MSRA: variants seen among roughly 807,000 people sequenced by gnomAD.
MSRA encodes methionine sulfoxide reductase A.
Under a neutral mutation model 31.3 loss-of-function variants are expected in MSRA, and 54 were observed. That is an observed-to-expected ratio of 1.73 (90% CI 1.39 to 2.17). The LOEUF is 2.17. Ranked by LOEUF, MSRA falls within the 30% of genes most tolerant of loss-of-function variation. The pLI, the probability that MSRA is intolerant of heterozygous loss-of-function variation, is 0.00. For missense variants in MSRA, 507 were observed against 300.9 expected, an observed-to-expected ratio of 1.69 and a Z score of -5.07; for synonymous variants, 169 against 116.5, an observed-to-expected ratio of 1.45 and a Z score of -2.90.
chr8:10,205,033 G>A (rs11774836), intron 1 of MSRA, among the ~76,000 whole-genome samples: 53,164 of 152,064 alleles, frequency 0.35, 10,297 homozygotes, highest in Admixed American at 0.51. Context: ...ATGGATGAGG[G>A]ATGCTAGTGT....
chr8:10,124,269 C>G (rs1801335691), intron 1 of MSRA, among the ~76,000 whole-genome samples: 2 of 152,092 alleles, frequency 1.3e-5, no homozygotes, highest in Admixed American at 6.5e-5. Flanking sequence ...GGTGACAGCT[C>G]CAAGAAGATT....
chr8:10,229,907 A>G (rs1271067265), intron 2 of MSRA, among the ~76,000 whole-genome samples: 1 of 152,198 alleles, frequency 6.6e-6, no homozygotes, highest in African/African-American at 2.4e-5. Flanking sequence ...CGTCCTCCCC[A>G]TATAATCAGT....
intron 3 of MSRA, among the ~76,000 whole-genome samples, chr8:10,263,341 C>G (rs1455312680): frequency 1.3e-5 from 2 of 152,192 alleles, no homozygotes; most frequent in South Asian, 4.1e-4. Flanking sequence ...AGTCAGTAGC[C>G]TTGTTCTCAG....
At chr8:10,098,249 A>T (rs1265372669) in intron 1 of MSRA, among the ~76,000 whole-genome samples, 2 of 152,140 alleles carry the variant, frequency 1.3e-5, no homozygotes, top group Non-Finnish European at 2.9e-5. Flanking sequence ...ATCTCACCTC[A>T]TAATTATGGT....
intron 5 of MSRA, among the ~76,000 whole-genome samples, chr8:10,351,561 T>G (rs369354550): frequency 7.5e-4 from 115 of 152,344 alleles, no homozygotes; most frequent in African/African-American, 2.6e-3. Flanking sequence ...CGAAAGTGAC[T>G]TATATTTGCA....
chr8:10,101,200 A>T (rs1371111205), intron 1 of MSRA, among the ~76,000 whole-genome samples: 1 of 152,070 alleles, frequency 6.6e-6, no homozygotes, highest in Non-Finnish European at 1.5e-5. Context: ...TGTAAACCTA[A>T]TTTCTTCATC....
At chr8:10,150,193 G>A (rs78305537) in intron 1 of MSRA, among the ~76,000 whole-genome samples, 3,732 of 152,146 alleles carry the variant, frequency 0.025, 143 homozygotes, top group African/African-American at 0.084. Flanking sequence ...CTTCTAGGAT[G>A]TCCTTTGTCC....
chr8:10,085,762 C>T (rs1158572371), intron 1 of MSRA, among the ~76,000 whole-genome samples: 2 of 152,206 alleles, frequency 1.3e-5, no homozygotes, highest in African/African-American at 4.8e-5. Flanking sequence ...TGCTCACCTG[C>T]CTCCAGCTAA....
chr8:10,149,613 T>C (rs1263608575), intron 1 of MSRA, among the ~76,000 whole-genome samples: 2 of 152,078 alleles, frequency 1.3e-5, no homozygotes, highest in East Asian at 3.9e-4. Context: ...AATAACATTG[T>C]TTGGTTTTCA....
intron 1 of MSRA, among the ~76,000 whole-genome samples, chr8:10,071,836 T>C (rs938779990): frequency 1.2e-4 from 18 of 152,152 alleles, no homozygotes; most frequent in African/African-American, 4.3e-4. Context: ...ATCCAGACAC[T>C]TGTGCCCGCT....
At chr8:10,243,593 A>C (rs773586620) in intron 2 of MSRA, among the ~76,000 whole-genome samples, 1 of 152,196 alleles carries the variant, frequency 6.6e-6, no homozygotes, top group Non-Finnish European at 1.5e-5. Flanking sequence ...CTTTTCTTTA[A>C]AAATGTAAAT....
chr8:10,283,836 T>TAAACACACACACACACACACACAC (rs1261287031), intron 3 of MSRA, among the ~76,000 whole-genome samples: 2 of 53,162 alleles, frequency 3.8e-5, no homozygotes, highest in Non-Finnish European at 3.2e-5. Context: ...TATATATATA[T>TAAACACACACACACACACACACAC]ACACACACAC....
intron 5 of MSRA, among the ~76,000 whole-genome samples, chr8:10,327,842 A>G (rs1332163371): frequency 6.6e-6 from 1 of 152,080 alleles, no homozygotes; most frequent in Non-Finnish European, 1.5e-5. Flanking sequence ...CTGAGGCAGG[A>G]GAATGGCGTG....
At chr8:10,374,616 A>T (rs1805656985) in intron 5 of MSRA, among the ~76,000 whole-genome samples, 2 of 152,236 alleles carry the variant, frequency 1.3e-5, no homozygotes, top group African/African-American at 2.4e-5. Flanking sequence ...AGCAGGAGGT[A>T]GGTGGTCCAG....
intron 1 of MSRA, among the ~76,000 whole-genome samples, chr8:10,085,269 C>A (rs1029831607): frequency 6.6e-6 from 1 of 152,194 alleles, no homozygotes; most frequent in East Asian, 1.9e-4. Flanking sequence ...CCCTATTCCA[C>A]GTTTCTGATT....
chr8:10,243,163 G>A (rs1362290390), intron 2 of MSRA, among the ~76,000 whole-genome samples: 2 of 152,180 alleles, frequency 1.3e-5, no homozygotes, highest in African/African-American at 4.8e-5. Flanking sequence ...TGTACGTGAA[G>A]GTTGAAGGAT....
chr8:10,117,741 T>A (rs1166667042), intron 1 of MSRA, among the ~76,000 whole-genome samples: 1 of 152,220 alleles, frequency 6.6e-6, no homozygotes, highest in Non-Finnish European at 1.5e-5. Flanking sequence ...TTGCTAGTAT[T>A]AAAATATTTT....
intron 1 of MSRA, among the ~76,000 whole-genome samples, chr8:10,173,921 C>T (rs766015490): frequency 1.5e-4 from 23 of 152,170 alleles, no homozygotes; most frequent in Non-Finnish European, 2.5e-4. Context: ...CTAATGGTCC[C>T]AGCGTGCTGT....
At chr8:10,096,061 A>T in intron 1 of MSRA, 3 of 1,386,908 alleles carry the variant, frequency 2.2e-6, no homozygotes, top group Non-Finnish European at 2.9e-6. Context: ...TTTAGATTTT[A>T]TTTTATTTTA....
Sources: allele counts gnomAD v4.1 joint callset (sites outside exome capture counted in the v4.1 genomes callset), GRCh38; gene constraint gnomAD v4.1.1; transcripts MANE v1.5; gene names NCBI Gene and HGNC (gene_info 2026-07-23, HGNC 2026-07-21).